The following SUSD6 variants were observed in gnomAD, a reference collection of about 807,000 sequenced individuals.
SUSD6 encodes sushi domain containing 6, also known as sushi domain-containing protein 6.
SUSD6 carries 16 observed loss-of-function variants against 28.4 expected under a neutral mutation model. The observed-to-expected ratio is 0.56, with a 90% CI of 0.38 to 0.86. The LOEUF (loss-of-function observed/expected upper bound fraction) is 0.86, where lower values mean the gene tolerates loss of function less well. Ranked by LOEUF, SUSD6 falls within the 40% of genes least tolerant of loss-of-function variation. The pLI, the probability that SUSD6 is intolerant of heterozygous loss-of-function variation, is 0.00. For synonymous variants in SUSD6, 147 were observed against 159.6 expected, an observed-to-expected ratio of 0.92 and a Z score of 0.59; for missense variants, 341 against 384.2, an observed-to-expected ratio of 0.89 and a Z score of 0.94.
intron 1 of SUSD6, among the ~76,000 whole-genome samples, chr14:69,615,353 G>C (rs1884944292): frequency 6.6e-6 from 1 of 152,194 alleles, no homozygotes; most frequent in Non-Finnish European, 1.5e-5. Context: ...CCTTGGATGA[G>C]TGTAAGTTTG....
Position 69,703,520 on chromosome 14 carries a change from G to A in SUSD6, c.247G>A (p.Asp83Asn), listed in dbSNP as rs1457684420. The A allele has an allele frequency of 5.0e-6, 8 of 1,614,046 alleles. No individual in the cohort carries two copies. The highest frequency in any genetic ancestry group is 5.1e-6 in the Non-Finnish European group (6 of 1,180,034). The change falls in exon 3 of 6, where the codon GAT (aspartate) becomes AAT (asparagine). Residue 83 changes from aspartate (D) to asparagine (N), a missense_variant. Asp to Asn is a conservative substitution (Grantham distance 23, BLOSUM62 1). Coordinates refer to ENST00000342745, the MANE Select transcript of SUSD6 (RefSeq NM_014734.4). ...LCAEGYMLKG[D>N]YKYLTCKNGE... ...TGCTGAAGGCTACATGTTGAAGGGCGATTACAAATACCTGACGTGTAAGAA... is the reference window on the plus strand; with the variant it reads ...TGCTGAAGGCTACATGTTGAAGGGCAATTACAAATACCTGACGTGTAAGAA...
chr14:69,644,065 T>A (rs1885390892), intron 1 of SUSD6, among the ~76,000 whole-genome samples: 1 of 152,204 alleles, frequency 6.6e-6, no homozygotes, highest in Non-Finnish European at 1.5e-5. Flanking sequence ...GTACCTCATG[T>A]TGTAATTATT....
intron 2 of SUSD6, among the ~76,000 whole-genome samples, chr14:69,680,080 G>A (rs940938856): frequency 5.3e-5 from 8 of 152,162 alleles, no homozygotes; most frequent in African/African-American, 1.7e-4. Flanking sequence ...GCAGAGTTCA[G>A]CAGTCTCTCC....
intron 1 of SUSD6, among the ~76,000 whole-genome samples, chr14:69,652,813 C>T (rs1388196457): frequency 6.6e-6 from 1 of 152,188 alleles, no homozygotes; most frequent in African/African-American, 2.4e-5. Flanking sequence ...GCATCTGTGG[C>T]AACAACAAGC....
intron 4 of SUSD6, among the ~76,000 whole-genome samples, chr14:69,706,355 T>G (rs906348677): frequency 2.0e-5 from 3 of 152,206 alleles, no homozygotes; most frequent in South Asian, 2.1e-4. Context: ...TGGTTTTCAT[T>G]GTAGACCCCA....
At chr14:69,616,644 G>A (rs1046471165) in intron 1 of SUSD6, among the ~76,000 whole-genome samples, 5 of 152,206 alleles carry the variant, frequency 3.3e-5, no homozygotes, top group African/African-American at 7.2e-5. Flanking sequence ...AAGACTGAGA[G>A]ATGTTTTTTG....
intron 2 of SUSD6, among the ~76,000 whole-genome samples, chr14:69,691,553 A>G (rs1437694412): frequency 6.6e-6 from 1 of 152,080 alleles, no homozygotes; most frequent in Admixed American, 6.6e-5. Flanking sequence ...TTGAGTGCCT[A>G]AGAGAATCAG....
intron 1 of SUSD6, among the ~76,000 whole-genome samples, chr14:69,632,940 G>A (rs561204714): frequency 2.6e-5 from 4 of 152,206 alleles, no homozygotes; most frequent in Non-Finnish European, 4.4e-5. Context: ...CTTGTCATCC[G>A]CTGGCCTTCC....
intron 2 of SUSD6, among the ~76,000 whole-genome samples, chr14:69,662,550 T>C (rs571382603): frequency 1.8e-4 from 28 of 152,342 alleles, no homozygotes; most frequent in Admixed American, 4.6e-4. Context: ...ATGGGGAGAA[T>C]TATTGATAAG....
At chr14:69,662,605 C>T (rs904481005) in intron 2 of SUSD6, among the ~76,000 whole-genome samples, 1 of 152,196 alleles carries the variant, frequency 6.6e-6, no homozygotes, top group South Asian at 2.1e-4. Context: ...TTATTCTTCA[C>T]ACCTAGTCAC....
chr14:69,615,027 C>A (rs115892261), intron 1 of SUSD6, among the ~76,000 whole-genome samples: 151 of 152,284 alleles, frequency 9.9e-4, no homozygotes, highest in African/African-American at 3.5e-3. Context: ...CTATGGAAGT[C>A]TTGTTAGAGG....
At chr14:69,635,592 A>G (rs1885252330) in intron 1 of SUSD6, among the ~76,000 whole-genome samples, 1 of 116,410 alleles carries the variant, frequency 8.6e-6, no homozygotes, top group Admixed American at 9.1e-5. Flanking sequence ...CACCCAAGGC[A>G]CACCACACAC....
chr14:69,631,268 C>A (rs565610451), intron 1 of SUSD6, among the ~76,000 whole-genome samples: 2 of 152,248 alleles, frequency 1.3e-5, no homozygotes, highest in Non-Finnish European at 2.9e-5. Context: ...AGCAGGGGAA[C>A]AATCTTCAGA....
intron 1 of SUSD6, among the ~76,000 whole-genome samples, chr14:69,645,219 C>T (rs17107166): frequency 0.019 from 2,819 of 152,252 alleles, 85 homozygotes; most frequent in African/African-American, 0.064. Flanking sequence ...GAGGTGAAGA[C>T]ATGTCCCTGG....
At chr14:69,650,849 G>C (rs147966118) in intron 1 of SUSD6, among the ~76,000 whole-genome samples, 52 of 152,270 alleles carry the variant, frequency 3.4e-4, no homozygotes, top group African/African-American at 9.6e-4. Flanking sequence ...CTGATGGATT[G>C]ATTAAACCCT....
intron 1 of SUSD6, among the ~76,000 whole-genome samples, chr14:69,632,801 G>A (rs997483734): frequency 2.0e-5 from 3 of 152,126 alleles, no homozygotes; most frequent in African/African-American, 7.2e-5. Context: ...ACACCGTCTG[G>A]AAATCAAAAC....
At chr14:69,629,187 T>C (rs1321631645) in intron 1 of SUSD6, among the ~76,000 whole-genome samples, 2 of 149,388 alleles carry the variant, frequency 1.3e-5, no homozygotes, top group Admixed American at 6.7e-5. Flanking sequence ...AAAGGAGGGG[T>C]TGGTTAGCAA....
chr14:69,622,832 G>A (rs149851982), intron 1 of SUSD6, among the ~76,000 whole-genome samples: 10 of 152,308 alleles, frequency 6.6e-5, no homozygotes, highest in Middle Eastern at 3.4e-3. Flanking sequence ...GACCACAAGT[G>A]ATCTGCCCAC....
At chr14:69,676,607 T>C (rs945773345) in intron 2 of SUSD6, among the ~76,000 whole-genome samples, 3 of 152,174 alleles carry the variant, frequency 2.0e-5, no homozygotes, top group African/African-American at 7.2e-5. Context: ...GTTGCCCAGG[T>C]GGGTCTTGAA....
Sources: allele counts gnomAD v4.1 joint callset (sites outside exome capture counted in the v4.1 genomes callset), GRCh38; gene constraint gnomAD v4.1.1; transcripts MANE v1.5; gene names NCBI Gene and HGNC (gene_info 2026-07-23, HGNC 2026-07-21).